The following TM4SF20 variants were observed in gnomAD, a reference collection of about 807,000 sequenced individuals.
TM4SF20 encodes transmembrane 4 L6 family member 20.
In TM4SF20, 13 loss-of-function variants were observed where a neutral mutation model predicts 15.1. The observed-to-expected ratio is 0.86, with a 90% CI of 0.56 to 1.36. The LOEUF is 1.36. TM4SF20 is among the 40% of genes most tolerant of loss of function. TM4SF20 has a pLI of 0.00. For synonymous variants in TM4SF20, 92 were observed against 96.6 expected (o/e 0.95, Z 0.28); for missense variants, 282 against 268.4 (o/e 1.05, Z -0.35).
At chr2:227,370,237 A>C (rs1395085761) in intron 2 of TM4SF20, among the ~76,000 whole-genome samples, 1 of 152,124 alleles carries the variant, frequency 6.6e-6, no homozygotes, top group Non-Finnish European at 1.5e-5. Flanking sequence ...AACTGAGTAC[A>C]TTTTCCCTGA....
At chr2:227,375,693 G>GT (rs2106495420) in intron 1 of TM4SF20, among the ~76,000 whole-genome samples, 1 of 152,164 alleles carries the variant, frequency 6.6e-6, no homozygotes, top group South Asian at 2.1e-4. Context: ...GTTTCACCGT[G>GT]TTAGCCAGGA....
In TM4SF20 at chr2:227,370,988, T is replaced by C. The variant is rs999764966; in HGVS notation, c.184-8A>G. 6.2e-7 allele frequency: 1 copy of C among 1,613,156 alleles called. No homozygotes were observed. Among genetic ancestry groups the C allele is most frequent in the African/African-American group, 1.3e-5 (1 of 75,016 alleles). On this transcript the variant is annotated splice_polypyrimidine_tract_variant and splice_region_variant and intron_variant, in intron 1 of 3. Coordinates refer to ENST00000304568, the MANE Select transcript of TM4SF20 (RefSeq NM_024795.4). Reference sequence around the variant, plus strand: ...TGTTGTTGCTGGAATGGCCTGGAAATGACATCAACAGGAAAGATGAGTATT... The same window carrying C: ...TGTTGTTGCTGGAATGGCCTGGAAACGACATCAACAGGAAAGATGAGTATT...
intron 1 of TM4SF20, among the ~76,000 whole-genome samples, chr2:227,378,645 C>G (rs541895008): frequency 2.0e-5 from 3 of 152,306 alleles, no homozygotes; most frequent in African/African-American, 7.2e-5. Flanking sequence ...ATTACCATCA[C>G]CCAGGCTAGT....
At chr2:227,373,002 C>T (rs1168143380) in intron 1 of TM4SF20, among the ~76,000 whole-genome samples, 2 of 152,160 alleles carry the variant, frequency 1.3e-5, no homozygotes, top group African/African-American at 4.8e-5. Context: ...AGGTGAGCCT[C>T]TGTGCTCAGC....
At chr2:227,367,765 A>G (rs899004923) in intron 2 of TM4SF20, among the ~76,000 whole-genome samples, 1 of 152,134 alleles carries the variant, frequency 6.6e-6, no homozygotes, top group African/African-American at 2.4e-5. Context: ...AATTCTTTTC[A>G]TAATCCCAAG....
intron 1 of TM4SF20, among the ~76,000 whole-genome samples, chr2:227,375,143 T>C (rs1449277420): frequency 6.6e-6 from 1 of 151,844 alleles, no homozygotes; most frequent in Non-Finnish European, 1.5e-5. Context: ...GCCAGGCTGG[T>C]CTCGAACTCC....
At chr2:227,377,903 A>C (rs918797424) in intron 1 of TM4SF20, among the ~76,000 whole-genome samples, 1 of 152,108 alleles carries the variant, frequency 6.6e-6, no homozygotes, top group African/African-American at 2.4e-5. Context: ...TGGATGACGA[A>C]ATAATCTGTA....
At chr2:227,376,573 T>G (rs188696574) in intron 1 of TM4SF20, among the ~76,000 whole-genome samples, 2 of 152,316 alleles carry the variant, frequency 1.3e-5, no homozygotes, top group African/African-American at 4.8e-5. Flanking sequence ...TAGTCTGGTG[T>G]TTATATCTTT....
chr2:227,376,092 A>G (rs1370563036), intron 1 of TM4SF20, among the ~76,000 whole-genome samples: 1 of 152,254 alleles, frequency 6.6e-6, no homozygotes, highest in Non-Finnish European at 1.5e-5. Flanking sequence ...TAAGTAAGTC[A>G]TGAAGCCATA....
At chr2:227,367,289 A>G in intron 2 of TM4SF20, among the ~76,000 whole-genome samples, 1 of 152,176 alleles carries the variant, frequency 6.6e-6, no homozygotes, top group African/African-American at 2.4e-5. Context: ...GATTGTACAC[A>G]TCTTTATTTC....
chr2:227,380,864 G>T (rs2076476612), upstream of TM4SF20, among the ~76,000 whole-genome samples: 1 of 152,166 alleles, frequency 6.6e-6, no homozygotes, highest in Non-Finnish European at 1.5e-5. Flanking sequence ...TGGTACAAGG[G>T]GCATCCCTGG....
intron 3 of TM4SF20, among the ~76,000 whole-genome samples, chr2:227,364,383 A>ACCCCCTCCCC (rs2076380269): frequency 7.0e-6 from 1 of 143,446 alleles, no homozygotes; most frequent in African/African-American, 2.8e-5. Context: ...AGCCTCCCCT[A>ACCCCCTCCCC]CCCCCCGCCA....
At chr2:227,365,995 A>G in intron 3 of TM4SF20, 98 bp downstream of exon 3, 2 of 1,277,528 alleles carry the variant, frequency 1.6e-6, no homozygotes, top group South Asian at 1.7e-5. Flanking sequence ...CGGCAGTTGC[A>G]TCAAATAAAA....
chr2:227,378,573 A>G (rs1023789124), intron 1 of TM4SF20, among the ~76,000 whole-genome samples: 4 of 152,196 alleles, frequency 2.6e-5, no homozygotes, highest in Non-Finnish European at 4.4e-5. Flanking sequence ...CCAGGATTTT[A>G]AGTCCATGTC....
upstream of TM4SF20, among the ~76,000 whole-genome samples, chr2:227,380,507 C>A (rs2076474734): frequency 6.6e-6 from 1 of 152,142 alleles, no homozygotes; most frequent in Non-Finnish European, 1.5e-5. Context: ...TGGTGAGCCA[C>A]ATACTGGATC....
chr2:227,374,350 C>A (rs1162398337), intron 1 of TM4SF20, among the ~76,000 whole-genome samples: 1 of 152,170 alleles, frequency 6.6e-6, no homozygotes, highest in Non-Finnish European at 1.5e-5. Context: ...GGTGATTTGA[C>A]AACTCGCTGC....
At chr2:227,374,758 G>A (rs2076438832) in intron 1 of TM4SF20, among the ~76,000 whole-genome samples, 1 of 151,998 alleles carries the variant, frequency 6.6e-6, no homozygotes, top group Admixed American at 6.6e-5. Flanking sequence ...TTGAACATGA[G>A]AGTAACACAC....
rs1450652933 is a variant in TM4SF20 at position 227,362,055 on chromosome 2, AATTT to A, written c.*1665_*1668del. On this transcript the variant is annotated 3_prime_UTR_variant, in exon 4 of 4. Transcript: ENST00000304568. ...GGCTTATAAGCTCTTGATGTTACTA[AATTT>A]ATTTAGGCAGCTATAATGTAGGTAC... 6.6e-6 allele frequency: 1 copy of A among 152,234 alleles called. No homozygotes were observed. The highest frequency in any genetic ancestry group is 1.5e-5 in the Non-Finnish European group (1 of 68,048). The allele number at this position is 152,234 out of a possible 1,614,324, so 9.4% of individuals were successfully genotyped here. A position where few individuals can be genotyped will look rare whatever the true frequency, so the allele number is the denominator to read the frequency against.
chr2:227,381,331 T>A (rs2076479144), upstream of TM4SF20, among the ~76,000 whole-genome samples: 1 of 151,974 alleles, frequency 6.6e-6, no homozygotes, highest in Non-Finnish European at 1.5e-5. Flanking sequence ...ACACCGAGAA[T>A]AACTGAAAGA....
Sources: gnomAD v4.1 joint callset for allele counts (sites outside exome capture counted in the v4.1 genomes callset) on GRCh38, gnomAD v4.1.1 for gene constraint, MANE v1.5 for transcripts, NCBI Gene and HGNC (gene_info 2026-07-23, HGNC 2026-07-21) for gene names.